LRMDA: variants seen among roughly 807,000 people sequenced by gnomAD.
LRMDA encodes leucine-rich melanocyte differentiation-associated protein.
LRMDA carries 18 observed loss-of-function variants against 29.8 expected under a neutral mutation model. That is an observed-to-expected ratio of 0.60 (90% confidence interval 0.42 to 0.90). The LOEUF (loss-of-function observed/expected upper bound fraction) is 0.90. LRMDA is among the 40% of genes least tolerant of loss of function. LRMDA has a pLI of 0.00. For missense variants in LRMDA, 273 were observed against 273.9 expected (o/e 1.00, Z 0.02); for synonymous variants, 125 against 109.4 (o/e 1.14, Z -0.89).
chr10:75,974,189 T>C (rs1288260991), intron 2 of LRMDA, among the ~76,000 whole-genome samples: 1 of 152,140 alleles, frequency 6.6e-6, no homozygotes, highest in Non-Finnish European at 1.5e-5. Context: ...CACAAATGTG[T>C]CTTGGTTCCA....
intron 6 of LRMDA, chr10:76,438,447 A>G (rs1187533047): frequency 6.6e-6 from 1 of 152,172 alleles, no homozygotes; most frequent in Non-Finnish European, 1.5e-5. Context: ...AATTTCTAGT[A>G]CAAGCATTTG....
intron 5 of LRMDA, among the ~76,000 whole-genome samples, chr10:76,191,105 C>G (rs1369292425): frequency 6.6e-6 from 1 of 152,122 alleles, no homozygotes. Flanking sequence ...GCTGTTGTGA[C>G]TAGTTCTCTG....
At chr10:75,479,619 T>C (rs947840819) in intron 2 of LRMDA, among the ~76,000 whole-genome samples, 5 of 152,142 alleles carry the variant, frequency 3.3e-5, no homozygotes, top group African/African-American at 1.2e-4. Context: ...ACTCACTTTA[T>C]AGAGCCATTG....
chr10:76,405,148 C>T (rs1308254207), intron 6 of LRMDA, among the ~76,000 whole-genome samples: 3 of 152,122 alleles, frequency 2.0e-5, no homozygotes, highest in Admixed American at 1.3e-4. Flanking sequence ...TTTGTTACAA[C>T]AGCAATAAAA....
intron 2 of LRMDA, among the ~76,000 whole-genome samples, chr10:75,808,211 A>G (rs1326369774): frequency 1.3e-5 from 2 of 152,170 alleles, no homozygotes; most frequent in Admixed American, 6.5e-5. Context: ...CATCTGGGAA[A>G]TGTCTTTCTG....
At chr10:75,596,541 G>T (rs887276910) in intron 2 of LRMDA, among the ~76,000 whole-genome samples, 1 of 151,666 alleles carries the variant, frequency 6.6e-6, no homozygotes, top group African/African-American at 2.4e-5. Flanking sequence ...AGTCTACTGA[G>T]ATTTTTTTTT....
At chr10:76,153,796 C>T (rs1235322805) in intron 5 of LRMDA, among the ~76,000 whole-genome samples, 1 of 152,150 alleles carries the variant, frequency 6.6e-6, no homozygotes, top group Non-Finnish European at 1.5e-5. Context: ...TTTAGTGCTT[C>T]CTGTACCTAG....
chr10:76,143,053 G>A, intron 5 of LRMDA, among the ~76,000 whole-genome samples: 1 of 152,116 alleles, frequency 6.6e-6, no homozygotes, highest in East Asian at 1.9e-4. Flanking sequence ...AGTATTCCAT[G>A]GTGTATATGT....
At chr10:75,641,786 G>A (rs73278975) in intron 2 of LRMDA, among the ~76,000 whole-genome samples, 11,954 of 152,010 alleles carry the variant, frequency 0.079, 1,240 homozygotes, top group African/African-American at 0.24. Flanking sequence ...AAATCTACCA[G>A]AAAGATAAAT....
intron 5 of LRMDA, among the ~76,000 whole-genome samples, chr10:76,140,183 C>T (rs1475165818): frequency 6.6e-6 from 1 of 152,022 alleles, no homozygotes; most frequent in Non-Finnish European, 1.5e-5. Flanking sequence ...ATAGGAGAAG[C>T]GCCGACAACA....
intron 2 of LRMDA, among the ~76,000 whole-genome samples, chr10:75,554,598 G>GGTAA (rs1840191815): frequency 6.6e-6 from 1 of 152,112 alleles, no homozygotes; most frequent in South Asian, 2.1e-4. Flanking sequence ...AGCTAATGAT[G>GGTAA]GTAATTATAA....
At chr10:75,709,190 TA>T (rs1842406201) in intron 2 of LRMDA, among the ~76,000 whole-genome samples, 2 of 152,254 alleles carry the variant, frequency 1.3e-5, no homozygotes, top group South Asian at 2.1e-4. Flanking sequence ...TTTTTTTTAT[TA>T]AAAAAAGGTT....
At chr10:75,614,711 G>C (rs1419300021) in intron 2 of LRMDA, among the ~76,000 whole-genome samples, 4 of 152,010 alleles carry the variant, frequency 2.6e-5, no homozygotes, top group Admixed American at 2.6e-4. Flanking sequence ...TGCATGCACT[G>C]AATAATAGCT....
At chr10:75,730,053 G>T (rs530845593) in intron 2 of LRMDA, among the ~76,000 whole-genome samples, 22 of 152,030 alleles carry the variant, frequency 1.4e-4, no homozygotes, top group Admixed American at 1.3e-3. Context: ...GCCTTGCTCA[G>T]CCTCTGAGCA....
intron 2 of LRMDA, among the ~76,000 whole-genome samples, chr10:75,884,245 T>TGTG (rs1845342100): frequency 3.7e-5 from 4 of 109,510 alleles, no homozygotes; most frequent in African/African-American, 3.6e-5. Flanking sequence ...GCAGGCGACT[T>TGTG]TGTGTGTGTG....
rs991357284 is a variant in LRMDA, at chr10:76,524,262, A to G, written c.602-32947A>G. ...TTCAACTTTCCTTTGAGGTTGGTGA[A>G]AGACGGCTGACGTGTCATTGGAAAT... On this transcript the variant is annotated intron_variant, in intron 6 of 6. Coordinates refer to ENST00000611255, the MANE Select transcript of LRMDA (RefSeq NM_001305581.2). Among the ~76,000 whole-genome samples, 10 of 152,324 alleles carry G rather than the reference A, an allele frequency of 6.6e-5. 1 individual carries two copies. The Middle Eastern group carries it at 0.01, about 155-fold the overall frequency.
intron 2 of LRMDA, among the ~76,000 whole-genome samples, chr10:75,796,044 TTG>T (rs1273293604): frequency 3.3e-5 from 5 of 152,352 alleles, no homozygotes; most frequent in African/African-American, 9.6e-5. Flanking sequence ...TATATTAACT[TTG>T]TATCTAGCAA....
In LRMDA at chr10:76,052,702, C is replaced by T. The variant is rs147230334; in HGVS notation, c.398+5399C>T. Among the ~76,000 whole-genome samples, 369 of 152,326 alleles carry T rather than the reference C, an allele frequency of 2.4e-3. 2 individuals are homozygous for T. The highest frequency in any genetic ancestry group is 7.5e-3 in the African/African-American group (310 of 41,570). On this transcript the variant is annotated intron_variant, in intron 4 of 6. Coordinates refer to ENST00000611255, the MANE Select transcript of LRMDA (RefSeq NM_001305581.2). ...CCTGAAAAGCTCAATGTGCTGGTCT[C>T]TCAGATTTAGGAAATCTGTTTCCAG...
intron 2 of LRMDA, among the ~76,000 whole-genome samples, chr10:75,473,382 T>C (rs141594662): frequency 1.5e-3 from 227 of 152,322 alleles, no homozygotes; most frequent in African/African-American, 5.1e-3. Context: ...ATGGGTACTC[T>C]ACAGAGATGA....
Sources: allele counts gnomAD v4.1 joint callset (sites outside exome capture counted in the v4.1 genomes callset), GRCh38; gene constraint gnomAD v4.1.1; transcripts MANE v1.5; gene names NCBI Gene and HGNC (gene_info 2026-07-23, HGNC 2026-07-21).